Variants in DLG1 observed in about 807,000 individuals in gnomAD.
The protein encoded by DLG1 is discs large MAGUK scaffold protein 1, also known as disks large homolog 1.
A neutral mutation model predicts 123.4 loss-of-function variants in DLG1; 42 were observed. That is an observed-to-expected ratio of 0.34 (90% confidence interval 0.27 to 0.44). DLG1 has a LOEUF of 0.44. Among genes scored for constraint, DLG1 ranks in the 20% least tolerant of loss-of-function variants. The pLI, the probability that DLG1 is intolerant of heterozygous loss-of-function variation, is 1.00. For synonymous variants in DLG1, 317 were observed against 356.2 expected, an observed-to-expected ratio of 0.89 and a Z score of 1.24; for missense variants, 942 against 1,082.6, an observed-to-expected ratio of 0.87 and a Z score of 1.82.
intron 8 of DLG1, among the ~76,000 whole-genome samples, chr3:197,138,856 T>C (rs1786436610): frequency 6.6e-6 from 1 of 152,102 alleles, no homozygotes. Context: ...GTAAATAACT[T>C]TCCTAAGGCC....
intron 4 of DLG1, among the ~76,000 whole-genome samples, chr3:197,278,232 G>C (rs555192218): frequency 2.3e-5 from 3 of 131,592 alleles, no homozygotes; most frequent in South Asian, 5.0e-4. Context: ...GCAGTGAGAC[G>C]AGATCGTACC....
chr3:197,194,527 A>C lies in DLG1; in HGVS notation c.381T>G (p.Asn127Lys), dbSNP rs772257843. ...PQEHISPQIT[N>K]EVIGPELVHV... ...GAACCAATTCTGGACCTATCACTTC[A>C]TTTGTGATTTGTGGGGAAATATGCT... The change falls in exon 5 of 25, where the codon AAT becomes AAG. Residue 127 changes from asparagine (N) to lysine (K), a missense_variant. Transcript: ENST00000667157. The C allele has an allele frequency of 5.6e-6, 9 of 1,605,060 alleles. No individual in the cohort carries two copies. The highest frequency in any genetic ancestry group is 7.7e-6 in the Non-Finnish European group (9 of 1,175,754).
At chr3:197,121,823 CAAAAA>C (rs71161995) in intron 11 of DLG1, among the ~76,000 whole-genome samples, 1 of 101,986 alleles carries the variant, frequency 9.8e-6, no homozygotes. Flanking sequence ...ACAATCACCA[CAAAAA>C]AAAAAAAAAA....
At chr3:197,243,679 T>C (rs1561646539) in intron 4 of DLG1, among the ~76,000 whole-genome samples, 1 of 152,170 alleles carries the variant, frequency 6.6e-6, no homozygotes, top group Admixed American at 6.6e-5. Context: ...CCCTAATTGT[T>C]GAGCTATTCT....
At chr3:197,229,013 T>C (rs7647233) in intron 4 of DLG1, among the ~76,000 whole-genome samples, 5 of 152,106 alleles carry the variant, frequency 3.3e-5, no homozygotes, top group Admixed American at 1.3e-4. Context: ...TGGAACAACT[T>C]TGCGCCCCCA....
At chr3:197,226,869 G>A (rs1018279214) in intron 4 of DLG1, among the ~76,000 whole-genome samples, 36 of 151,984 alleles carry the variant, frequency 2.4e-4, no homozygotes, top group Non-Finnish European at 2.1e-4. Flanking sequence ...TCAACCCTTT[G>A]GCAGAAAAGC....
chr3:197,065,495 ACCAC>A, intron 21 of DLG1, 47 bp from the exon 22 acceptor site: 1 of 1,451,016 alleles, frequency 6.9e-7, no homozygotes, highest in Non-Finnish European at 9.3e-7. Flanking sequence ...TAAAAAAAAA[ACCAC>A]AATAAATCCA....
intron 5 of DLG1, among the ~76,000 whole-genome samples, chr3:197,192,725 T>C (rs1452399312): frequency 6.6e-6 from 1 of 152,154 alleles, no homozygotes; most frequent in African/African-American, 2.4e-5. Context: ...TGTATGTGTA[T>C]GTGTGTATAA....
chr3:197,095,652 T>G (rs556799215), intron 14 of DLG1, among the ~76,000 whole-genome samples: 1 of 152,198 alleles, frequency 6.6e-6, no homozygotes, highest in African/African-American at 2.4e-5. Context: ...ATAAAAGTTG[T>G]GTCTGCCAGG....
intron 23 of DLG1, among the ~76,000 whole-genome samples, chr3:197,056,540 A>C (rs1731795096): frequency 1.3e-5 from 2 of 152,218 alleles, no homozygotes; most frequent in African/African-American, 4.8e-5. Context: ...GAATTTAGTA[A>C]GTCTGCTTGG....
intron 5 of DLG1, among the ~76,000 whole-genome samples, chr3:197,173,901 CA>C (rs1299794549): frequency 3.9e-5 from 6 of 152,122 alleles, no homozygotes; most frequent in African/African-American, 1.4e-4. Context: ...GGCAGTAGTT[CA>C]AGACCAGCCT....
At chr3:197,273,441 T>G (rs938165464) in intron 4 of DLG1, among the ~76,000 whole-genome samples, 1 of 151,962 alleles carries the variant, frequency 6.6e-6, no homozygotes, top group African/African-American at 2.4e-5. Flanking sequence ...TTTCACCATG[T>G]TGGCCAGGCT....
intron 4 of DLG1, among the ~76,000 whole-genome samples, chr3:197,203,354 G>A (rs1726827194): frequency 6.6e-6 from 1 of 152,132 alleles, no homozygotes; most frequent in African/African-American, 2.4e-5. Flanking sequence ...TTCAAAAACA[G>A]TTCCAAAATC....
intron 5 of DLG1, among the ~76,000 whole-genome samples, chr3:197,181,397 T>C (rs751972595): frequency 6.6e-6 from 1 of 152,200 alleles, no homozygotes; most frequent in Non-Finnish European, 1.5e-5. Context: ...CAAAACACTA[T>C]GACCTTATTA....
chr3:197,096,869 G>T (rs1051733637), intron 14 of DLG1, among the ~76,000 whole-genome samples: 1 of 152,092 alleles, frequency 6.6e-6, no homozygotes, highest in African/African-American at 2.4e-5. Flanking sequence ...TTTTCAAATA[G>T]GTTTCCATGG....
intron 11 of DLG1, among the ~76,000 whole-genome samples, chr3:197,128,242 T>C (rs1339478146): frequency 6.6e-6 from 1 of 152,208 alleles, no homozygotes; most frequent in Non-Finnish European, 1.5e-5. Flanking sequence ...CCAAAATCCT[T>C]TGTTGCCGTT....
At chr3:197,155,034 A>ATT (rs1795746154) in intron 5 of DLG1, among the ~76,000 whole-genome samples, 1 of 152,198 alleles carries the variant, frequency 6.6e-6, no homozygotes, top group South Asian at 2.1e-4. Context: ...AATAGCCAAA[A>ATT]CTTCTCAGAT....
At chr3:197,095,353 A>G (rs1272875821) in intron 14 of DLG1, among the ~76,000 whole-genome samples, 1 of 152,040 alleles carries the variant, frequency 6.6e-6, no homozygotes, top group Non-Finnish European at 1.5e-5. Context: ...GATCCATTTC[A>G]AAGTCATTTG....
intron 4 of DLG1, among the ~76,000 whole-genome samples, chr3:197,256,475 G>A (rs142177927): frequency 6.6e-6 from 1 of 152,240 alleles, no homozygotes; most frequent in Non-Finnish European, 1.5e-5. Flanking sequence ...CTTTAAAACC[G>A]TCTCTTCTAA....
Sources: allele counts gnomAD v4.1 joint callset (sites outside exome capture counted in the v4.1 genomes callset), GRCh38; gene constraint gnomAD v4.1.1; transcripts MANE v1.5; gene names NCBI Gene and HGNC (gene_info 2026-07-23, HGNC 2026-07-21).